The following MOBP variants were observed in gnomAD, a reference collection of about 807,000 sequenced individuals.
The protein encoded by MOBP is myelin associated oligodendrocyte basic protein.
A neutral mutation model predicts 15.0 loss-of-function variants in MOBP; 5 were observed. The observed-to-expected ratio is 0.33, with a 90% CI of 0.17 to 0.70. The LOEUF is 0.70. Among genes scored for constraint, MOBP ranks in the 30% least tolerant of loss-of-function variants. MOBP has a pLI of 0.67. For synonymous variants in MOBP, 88 were observed against 99.0 expected (o/e 0.89, Z 0.66); for missense variants, 188 against 257.8 (o/e 0.73, Z 1.85).
intron 2 of MOBP, among the ~76,000 whole-genome samples, chr3:39,487,817 C>T (rs761454064): frequency 1.5e-4 from 23 of 152,200 alleles, no homozygotes; most frequent in Non-Finnish European, 2.6e-4. Flanking sequence ...CCACCGCGCC[C>T]GGCCCCAGAA....
chr3:39,513,352 A>G (rs752911099), intron 4 of MOBP: 10 of 1,603,676 alleles, frequency 6.2e-6, no homozygotes, highest in South Asian at 2.2e-5. Flanking sequence ...TACCTATGTC[A>G]TGTGTTTTTC....
chr3:39,502,501 G>C lies in MOBP; in HGVS notation c.207-34G>C, dbSNP rs770376053. The C allele has an allele frequency of 5.1e-6, 8 of 1,554,070 alleles. No individual in the cohort carries two copies. Among genetic ancestry groups the C allele is most frequent in the Non-Finnish European group, 6.9e-6 (8 of 1,157,916 alleles). On this transcript the variant is annotated intron_variant, in intron 3 of 3. Transcript: ENST00000684792. This position sits in a 1 kb window ranked among gnomAD's most constrained non-coding sequence, Gnocchi z 6.3. ...CGCTTAAGCAGCAGAGGAGAGCCCT[G>C]GCTCCCGCCTCCAGCTTCTTTTGGC...
chr3:39,491,881 G>A (rs1212063430), intron 2 of MOBP, among the ~76,000 whole-genome samples: 3 of 152,208 alleles, frequency 2.0e-5, no homozygotes, highest in Non-Finnish European at 2.9e-5. Context: ...TGGGTATGGT[G>A]TAGTAGAATC....
chr3:39,485,266 A>C (rs1190713909), intron 2 of MOBP, among the ~76,000 whole-genome samples: 1 of 152,262 alleles, frequency 6.6e-6, no homozygotes, highest in African/African-American at 2.4e-5. Context: ...AGCATGTAGT[A>C]GTTACAGCCA....
At chr3:39,472,914 G>A (rs1361982493) in intron 1 of MOBP, among the ~76,000 whole-genome samples, 2 of 149,216 alleles carry the variant, frequency 1.3e-5, no homozygotes, top group East Asian at 2.0e-4. Context: ...TGACTGTCTC[G>A]AAAAGAAGAC....
chr3:39,483,665 G>T (rs2125634751), intron 2 of MOBP, among the ~76,000 whole-genome samples: 1 of 152,210 alleles, frequency 6.6e-6, no homozygotes, highest in East Asian at 1.9e-4. Flanking sequence ...AATTATAAGA[G>T]AATTTGTTTT....
chr3:39,485,019 T>G (rs1157692601), intron 2 of MOBP, among the ~76,000 whole-genome samples: 1 of 152,234 alleles, frequency 6.6e-6, no homozygotes, highest in African/African-American at 2.4e-5. Flanking sequence ...ATGTTTTCAT[T>G]TTTTCATAGT....
Position 39,502,392 on chromosome 3 carries a change from C to T in MOBP, c.206+117C>T, listed in dbSNP as rs1483269188. On this transcript the variant is annotated intron_variant, in intron 3 of 3. Coordinates refer to ENST00000684792, the MANE Select transcript of MOBP (RefSeq NM_001393704.1). The surrounding 1 kb of genome is among the most constrained non-coding windows in gnomAD (Gnocchi z 6.3). Reference sequence around the variant, plus strand: ...CCCCTAGTCGGCTCCGGGTTAGGCTCCGACACCGGAAGGCACTCCAGGGAG... The same window carrying T: ...CCCCTAGTCGGCTCCGGGTTAGGCTTCGACACCGGAAGGCACTCCAGGGAG... 6.5e-7 allele frequency: 1 copy of T among 1,539,260 alleles called. No homozygotes were observed. Among genetic ancestry groups the T allele is most frequent in the Non-Finnish European group, 8.7e-7 (1 of 1,146,358 alleles).
chr3:39,492,584 G>T (rs1351466755), intron 2 of MOBP, among the ~76,000 whole-genome samples: 1 of 152,142 alleles, frequency 6.6e-6, no homozygotes, highest in Non-Finnish European at 1.5e-5. Context: ...ATAAAAAAAA[G>T]TTGTGCTTTT....
chr3:39,472,819 A>G (rs1361978794), intron 1 of MOBP, among the ~76,000 whole-genome samples: 2 of 152,172 alleles, frequency 1.3e-5, no homozygotes, highest in Admixed American at 6.5e-5. Context: ...CCAGCTACTT[A>G]GGAGGCTGAG....
At position 39,468,708 on chromosome 3, in the gene MOBP, ATG is replaced by A. The variant is rs1398122880; in HGVS notation, c.-89+976_-89+977del. 7.6e-4 allele frequency among the ~76,000 whole-genome samples: 105 copies of A among 139,022 alleles called. 14 individuals are homozygous for A. Among genetic ancestry groups the A allele is most frequent in the African/African-American group, 2.7e-3 (89 of 32,646 alleles). The allele number at this position is 139,022 out of a possible 152,430, so 91.2% of individuals were successfully genotyped here. A position where few individuals can be genotyped will look rare whatever the true frequency, so the allele number is the denominator to read the frequency against. ...TGTGTGTGTATATACATATATACAT[ATG>A]TGTGTGTATATACATATATACATAT... On this transcript the variant is annotated intron_variant, in intron 1 of 3. Coordinates refer to ENST00000684792, the MANE Select transcript of MOBP (RefSeq NM_001393704.1).
exon 5 of MOBP, chr3:39,515,916 G>C (rs1216617483): frequency 6.6e-6 from 1 of 152,090 alleles, no homozygotes; most frequent in African/African-American, 2.4e-5. Flanking sequence ...TAAACTCCAT[G>C]ATTGCCAACA....
In MOBP at chr3:39,502,243, G is replaced by A; in HGVS notation, c.174G>A (p.Glu58=). 1 of 1,614,190 alleles carries A rather than the reference G, an allele frequency of 6.2e-7. No homozygotes were observed. The highest frequency in any genetic ancestry group is 1.1e-5 in the South Asian group (1 of 91,090). ...GCTGCTTCTACCAGAAGAAAGAGGA[G>A]GACTGGATCTGCTGCGCCTGCCAGA... ...KSGCFYQKKE[E]DWICCACQKT... is the part of the protein sequence containing the mutation. The change falls in exon 3 of 4, where the codon GAG becomes GAA. Residue 58 remains glutamate, a synonymous_variant. Coordinates refer to ENST00000684792, the MANE Select transcript of MOBP (RefSeq NM_001393704.1). The surrounding 1 kb of genome is among the most constrained non-coding windows in gnomAD (Gnocchi z 6.3).
intron 2 of MOBP, among the ~76,000 whole-genome samples, chr3:39,501,818 A>G (rs766687298): frequency 1.3e-5 from 2 of 152,238 alleles, no homozygotes; most frequent in African/African-American, 4.8e-5. Context: ...GGAAAACAAG[A>G]GCCCATGTTT....
chr3:39,491,520 T>G (rs1056934173), intron 2 of MOBP, among the ~76,000 whole-genome samples: 3 of 147,602 alleles, frequency 2.0e-5, no homozygotes, highest in Non-Finnish European at 4.4e-5. Flanking sequence ...ATTTAGGAAA[T>G]AGCAAAATAA....
chr3:39,515,166 C>A (rs1251630237), exon 5 of MOBP: 2 of 152,352 alleles, frequency 1.3e-5, no homozygotes, highest in African/African-American at 4.8e-5. Flanking sequence ...CCTTCAGGGG[C>A]CTGGCCTTGA....
chr3:39,518,674 A>G (rs2043230165), downstream of MOBP, among the ~76,000 whole-genome samples: 1 of 152,178 alleles, frequency 6.6e-6, no homozygotes, highest in African/African-American at 2.4e-5. Flanking sequence ...TTAATGATGC[A>G]ATGGAGATAA....
intron 2 of MOBP, among the ~76,000 whole-genome samples, chr3:39,481,807 A>T (rs1707959): frequency 0.27 from 41,717 of 152,122 alleles, 7,292 homozygotes; most frequent in African/African-American, 0.49. Context: ...ACTGTACTCG[A>T]GTAGTCCTCA....
At chr3:39,496,492 C>T (rs1211270009) in intron 2 of MOBP, among the ~76,000 whole-genome samples, 2 of 149,798 alleles carry the variant, frequency 1.3e-5, no homozygotes, top group African/African-American at 2.5e-5. Context: ...AGCCACCACG[C>T]CTGGCTTCCT....
Sources: gnomAD v4.1 joint callset for allele counts (sites outside exome capture counted in the v4.1 genomes callset) on GRCh38, gnomAD v4.1.1 for gene constraint, Gnocchi (gnomAD v3.1) non-coding constraint, MANE v1.5 for transcripts, NCBI Gene and HGNC (gene_info 2026-07-23, HGNC 2026-07-21) for gene names.